RIT2: variants seen among roughly 807,000 people sequenced by gnomAD.
RIT2 encodes GTP-binding protein Rit2.
In RIT2, 24 loss-of-function variants were observed where a neutral mutation model predicts 23.7. The observed-to-expected ratio is 1.01, with a 90% CI of 0.73 to 1.43. RIT2 has a LOEUF of 1.43. Among genes scored for constraint, RIT2 ranks in the 40% most tolerant of loss-of-function variants. RIT2 has a pLI of 0.00. For synonymous variants in RIT2, 107 were observed against 91.1 expected, an observed-to-expected ratio of 1.17 and a Z score of -0.99; for missense variants, 236 against 266.9, an observed-to-expected ratio of 0.88 and a Z score of 0.81.
chr18:42,777,946 A>G (rs1216524290), intron 4 of RIT2, among the ~76,000 whole-genome samples: 1 of 152,206 alleles, frequency 6.6e-6, no homozygotes, highest in Non-Finnish European at 1.5e-5. Context: ...AGTAAAGAAC[A>G]CTTGCAACAT....
intron 1 of RIT2, among the ~76,000 whole-genome samples, chr18:43,111,173 T>C (rs1913943916): frequency 6.6e-6 from 1 of 152,280 alleles, no homozygotes; most frequent in East Asian, 1.9e-4. Context: ...TGGAGATCAT[T>C]GTGTCAAGTG....
At chr18:42,962,185 C>T (rs1033841498) in intron 3 of RIT2, among the ~76,000 whole-genome samples, 2 of 152,074 alleles carry the variant, frequency 1.3e-5, no homozygotes, top group African/African-American at 2.4e-5. Context: ...GGATTTCCTG[C>T]GATAGCAATT....
chr18:42,852,763 C>A (rs1036109335), intron 4 of RIT2, among the ~76,000 whole-genome samples: 2 of 132,278 alleles, frequency 1.5e-5, no homozygotes, highest in African/African-American at 5.4e-5. Context: ...ATTTCTTCTT[C>A]CCTCCCTCCC....
chr18:42,808,343 G>C (rs1354975665), intron 4 of RIT2, among the ~76,000 whole-genome samples: 1 of 152,124 alleles, frequency 6.6e-6, no homozygotes, highest in Non-Finnish European at 1.5e-5. Flanking sequence ...TCATAGAAAA[G>C]AGAGATTATG....
intron 1 of RIT2, among the ~76,000 whole-genome samples, chr18:43,036,950 A>ATCTAAGG (rs1911995078): frequency 1.3e-5 from 2 of 152,202 alleles, no homozygotes; most frequent in African/African-American, 4.8e-5. Flanking sequence ...CTGGAGATTA[A>ATCTAAGG]ATTTTATTTC....
chr18:42,810,010 TTA>T (rs1013133570), intron 4 of RIT2, among the ~76,000 whole-genome samples: 2 of 146,064 alleles, frequency 1.4e-5, no homozygotes, highest in African/African-American at 2.5e-5. Context: ...TATGTATAAG[TTA>T]TATATGTTAC....
intron 2 of RIT2, among the ~76,000 whole-genome samples, chr18:42,997,579 G>A (rs1302505889): frequency 6.6e-6 from 1 of 151,860 alleles, no homozygotes; most frequent in Non-Finnish European, 1.5e-5. Flanking sequence ...CACAGCTAAT[G>A]ATGCTAATCT....
intron 4 of RIT2, among the ~76,000 whole-genome samples, chr18:42,787,207 C>G: frequency 6.9e-6 from 1 of 144,510 alleles, no homozygotes. Context: ...TCAATTCCCA[C>G]CTATGAATGA....
At chr18:42,780,451 C>T (rs1357346173) in intron 4 of RIT2, among the ~76,000 whole-genome samples, 1 of 152,080 alleles carries the variant, frequency 6.6e-6, no homozygotes, top group Admixed American at 6.5e-5. Context: ...ATGTAAATGT[C>T]TCTTCTCAGA....
intron 4 of RIT2, among the ~76,000 whole-genome samples, chr18:42,842,925 G>A (rs1237327150): frequency 6.6e-6 from 1 of 152,124 alleles, no homozygotes; most frequent in Non-Finnish European, 1.5e-5. Context: ...AGAATAGAGA[G>A]CTGAGGCCCA....
At chr18:42,796,942 A>C (rs1447459939) in intron 4 of RIT2, among the ~76,000 whole-genome samples, 2 of 152,258 alleles carry the variant, frequency 1.3e-5, no homozygotes, top group Non-Finnish European at 2.9e-5. Flanking sequence ...GGTAAAAGAA[A>C]TAAAAAGAAG....
intron 3 of RIT2, among the ~76,000 whole-genome samples, chr18:42,955,115 T>G (rs1293683960): frequency 6.6e-6 from 1 of 152,174 alleles, no homozygotes; most frequent in East Asian, 1.9e-4. Flanking sequence ...AAGCAGTAAT[T>G]AAATTATCAG....
chr18:43,011,153 G>A (rs1188173494), intron 2 of RIT2, among the ~76,000 whole-genome samples: 1 of 151,798 alleles, frequency 6.6e-6, no homozygotes, highest in Non-Finnish European at 1.5e-5. Context: ...AGTCTTCTGG[G>A]CAGATAAAGC....
chr18:43,025,990 G>C (rs1397184443), intron 2 of RIT2, among the ~76,000 whole-genome samples: 1 of 151,904 alleles, frequency 6.6e-6, no homozygotes, highest in African/African-American at 2.4e-5. Context: ...AATAAATAAA[G>C]GCAAATAAAT....
At chr18:42,881,238 A>G (rs1275335216) in intron 4 of RIT2, among the ~76,000 whole-genome samples, 4 of 152,328 alleles carry the variant, frequency 2.6e-5, no homozygotes, top group South Asian at 4.1e-4. Flanking sequence ...TTGTTTAAAC[A>G]TCTTGTTGTC....
At chr18:43,015,144 A>G (rs1010845634) in intron 2 of RIT2, among the ~76,000 whole-genome samples, 1 of 151,770 alleles carries the variant, frequency 6.6e-6, no homozygotes. Context: ...TTAGCTGTAT[A>G]GTAGTTATAT....
intron 4 of RIT2, among the ~76,000 whole-genome samples, chr18:42,895,563 TGGTCAAC>T (rs1908305851): frequency 1.3e-5 from 2 of 152,224 alleles, no homozygotes; most frequent in Admixed American, 1.3e-4. Flanking sequence ...ACAGTACTCA[TGGTCAAC>T]ACCAAAGTAA....
intron 4 of RIT2, among the ~76,000 whole-genome samples, chr18:42,868,018 A>G (rs1764469967): frequency 2.6e-5 from 4 of 152,316 alleles, no homozygotes; most frequent in African/African-American, 9.6e-5. Context: ...TATTTTCCAC[A>G]GGTAAGTCAA....
intron 4 of RIT2, among the ~76,000 whole-genome samples, chr18:42,898,331 T>C (rs1370890174): frequency 6.6e-6 from 1 of 152,022 alleles, no homozygotes; most frequent in African/African-American, 2.4e-5. Context: ...GAGGCAGAGG[T>C]TGCAGTGAGC....
Sources: gnomAD v4.1 joint callset for allele counts (sites outside exome capture counted in the v4.1 genomes callset) on GRCh38, gnomAD v4.1.1 for gene constraint, MANE v1.5 for transcripts, NCBI Gene and HGNC (gene_info 2026-07-23, HGNC 2026-07-21) for gene names.